LCN15: variants seen among roughly 807,000 people sequenced by gnomAD.
LCN15 encodes lipocalin 15.
Under a neutral mutation model 23.1 loss-of-function variants are expected in LCN15, and 26 were observed. The ratio of observed to expected loss-of-function variants is 1.13; its 90% CI spans 0.82 to 1.56. The LOEUF (loss-of-function observed/expected upper bound fraction) is 1.56. Ranked by LOEUF, LCN15 falls within the 40% of genes most tolerant of loss-of-function variation. LCN15 has a pLI of 0.00. For missense variants in LCN15, 241 were observed against 239.5 expected (o/e 1.01, Z -0.04); for synonymous variants, 107 against 98.3 (o/e 1.09, Z -0.52).
Position 136,761,002 on chromosome 9 carries a change from A to G in LCN15, c.*32+785T>C, listed in dbSNP as rs1847311209. ...CCTCCTAAGAAGAGGGCCGTGGGGCACTCGCTTCGGCAGCACAGACACTAG... is the reference window on the plus strand; with the variant it reads ...CCTCCTAAGAAGAGGGCCGTGGGGCGCTCGCTTCGGCAGCACAGACACTAG... On this transcript the variant is annotated intron_variant, in intron 6 of 6. Transcript: ENST00000316144. This position sits in a 1 kb window ranked among gnomAD's most constrained non-coding sequence, Gnocchi z 4.2. Among the ~76,000 whole-genome samples the G allele has an allele frequency of 6.6e-6, 1 of 152,170 alleles. No homozygotes were observed. The highest frequency in any genetic ancestry group is 2.1e-4 in the South Asian group (1 of 4,818).
rs766155898 is a variant in LCN15, at chr9:136,762,193, T to A, written c.515A>T (p.Gln172Leu). Residue 172 changes from glutamine (Q) to leucine (L), a missense_variant, in exon 5 of 7, where the codon CAG becomes CTG. Physicochemically the swap from Gln to Leu is moderately radical, Grantham distance 113. Coordinates refer to ENST00000316144, the MANE Select transcript of LCN15 (RefSeq NM_203347.2). ...GGCGGGGCTTGCCAGGGTACCTGAC[T>A]GGGGCAGCATGACCATCATGTCCTT... ...LPKDMMVMLP[Q>L]SDACNPESKE... 6.3e-7 allele frequency: 1 copy of A among 1,580,620 alleles called. No homozygotes were observed. Among genetic ancestry groups the A allele is most frequent in the Non-Finnish European group, 8.6e-7 (1 of 1,164,400 alleles).
intron 6 of LCN15, among the ~76,000 whole-genome samples, chr9:136,760,154 G>A (rs962435286): frequency 6.6e-6 from 1 of 152,254 alleles, no homozygotes; most frequent in Non-Finnish European, 1.5e-5. Context: ...AGAACCCACA[G>A]CCTCCACGGT....
At chr9:136,762,431 T>G in intron 4 of LCN15, 142 bp from the exon 5 acceptor site, 1 of 639,046 alleles carries the variant, frequency 1.6e-6, no homozygotes, top group Non-Finnish European at 2.8e-6. Flanking sequence ...ATAAAGCTCC[T>G]GCCTGGCTGA....
chr9:136,763,461 C>T lies in LCN15; in HGVS notation c.314G>A (p.Gly105Asp), dbSNP rs1389992910. ...SEGHFRVPALGYLDVRIVDTD... is the reference protein window; with the variant it reads ...SEGHFRVPALDYLDVRIVDTD... The stretch of plus-strand genomic sequence containing the variant: ...GTCCACGATGCGCACGTCCAGGTAG[C>T]CCAAGGCTGCGGAGAGGCAGGCGGC... The change falls in exon 4 of 7, where the codon GGC becomes GAC. Residue 105 changes from glycine to aspartate, a missense_variant. Physicochemically the swap from Gly to Asp is moderately conservative, Grantham distance 94. Transcript: ENST00000316144. The T allele has an allele frequency of 1.7e-5, 28 of 1,601,914 alleles. No homozygotes were observed. Among genetic ancestry groups the T allele is most frequent in the Non-Finnish European group, 2.2e-5 (26 of 1,174,660 alleles).
intron 4 of LCN15, among the ~76,000 whole-genome samples, chr9:136,763,003 C>T (rs913226354): frequency 4.7e-5 from 7 of 149,392 alleles, no homozygotes; most frequent in Non-Finnish European, 1.0e-4. Flanking sequence ...CGGGGCACCA[C>T]TCTCAGGAGG....
chr9:136,764,077 AG>A lies in LCN15; in HGVS notation c.97-69del, dbSNP rs111874997. ...CAGGGCCCTCCTTGCCCAGGGACCC[AG>A]GGGACAACTCAGAAGTCACACAGCA... On this transcript the variant is annotated intron_variant, in intron 1 of 6. Transcript: ENST00000316144. The A allele has an allele frequency of 5.1e-4, 805 of 1,579,162 alleles. 6 individuals are homozygous for A. In the African/African-American group the frequency reaches 9.7e-3, roughly 19 times the overall value.
chr9:136,764,372 G>A (rs1464922966), intron 1 of LCN15, 21 bp downstream of exon 1: 1 of 1,606,342 alleles, frequency 6.2e-7, no homozygotes, highest in Non-Finnish European at 8.5e-7. Context: ...CCCACCACAG[G>A]ACAGCAGAGG....
rs531453486 is a variant in LCN15 at position 136,764,018 on chromosome 9, G to A, written c.97-9C>T. 4.5e-5 allele frequency: 73 copies of A among 1,611,832 alleles called. No individual in the cohort carries two copies. The South Asian group carries it at 7.0e-4, about 16-fold the overall frequency. Reference sequence around the variant, plus strand: ...TACCAGAGGCCTGAGAACTGCCGGGGGCTTAGTCACCCGCAGGCCAGGACA... The same window carrying A: ...TACCAGAGGCCTGAGAACTGCCGGGAGCTTAGTCACCCGCAGGCCAGGACA... On this transcript the variant is annotated splice_polypyrimidine_tract_variant and intron_variant, in intron 1 of 6. Coordinates refer to ENST00000316144, the MANE Select transcript of LCN15 (RefSeq NM_203347.2).
At position 136,763,714 on chromosome 9, in the gene LCN15, C is replaced by A. The variant is rs1323060858; in HGVS notation, c.306G>T (p.Pro102=). 6.2e-7 allele frequency: 1 copy of A among 1,613,182 alleles called. No homozygotes were observed. Among genetic ancestry groups the A allele is most frequent in the Non-Finnish European group, 8.5e-7 (1 of 1,179,844 alleles). ...KVGSEGHFRV[P]ALGYLDVRIV... ...GAAGGCAGAGGAGGCAGGACCTACC[C>A]GGGACTCTGAAGTGTCCCTCGGAGC... Residue 102 remains proline (P), a splice_region_variant and synonymous_variant, in exon 3 of 7, where the codon CCG becomes CCT. Transcript: ENST00000316144.
At position 136,763,351 on chromosome 9, in the gene LCN15, A is replaced by C. The variant is rs745640094; in HGVS notation, c.418+6T>G. 1 of 1,493,908 alleles carries C rather than the reference A, an allele frequency of 6.7e-7. No homozygotes were observed. The highest frequency in any genetic ancestry group is 9.1e-7 in the Non-Finnish European group (1 of 1,102,006). 92.5% of individuals were successfully genotyped at this position (1,493,908 alleles called of 1,614,324 possible). On this transcript the variant is annotated splice_donor_region_variant and intron_variant, in intron 4 of 6. Transcript: ENST00000316144. Reference sequence around the variant, plus strand: ...GCCAGTGCGGGGAGGTGGGACAGGCACTCACTGTAGAGCTGCACCATGGTG... The same window carrying C: ...GCCAGTGCGGGGAGGTGGGACAGGCCCTCACTGTAGAGCTGCACCATGGTG...
rs753595727 is a variant in LCN15, at chr9:136,762,195, G to A, written c.513C>T (p.Pro171=). The A allele has an allele frequency of 9.5e-6, 15 of 1,583,696 alleles. No individual in the cohort carries two copies. In the South Asian group the frequency reaches 1.6e-4, roughly 17 times the overall value. Residue 171 remains proline, a synonymous_variant, in exon 5 of 7, where the codon CCC becomes CCT. Transcript: ENST00000316144. ...CGGGGCTTGCCAGGGTACCTGACTGGGGCAGCATGACCATCATGTCCTTGG... is the reference window on the plus strand; with the variant it reads ...CGGGGCTTGCCAGGGTACCTGACTGAGGCAGCATGACCATCATGTCCTTGG... The part of the protein sequence containing the change: ...GLPKDMMVML[P]QSDACNPESK...
chr9:136,762,249 G>A lies in LCN15; in HGVS notation c.459C>T (p.Phe153=), dbSNP rs1268424165. The A allele has an allele frequency of 6.2e-7, 1 of 1,600,110 alleles. No individual in the cohort carries two copies. The highest frequency in any genetic ancestry group is 2.3e-5 in the East Asian group (1 of 43,952). Residue 153 remains phenylalanine (F), a synonymous_variant, in exon 5 of 7, where the codon TTC becomes TTT. Transcript: ENST00000316144. ...QDVSPQALKS[F]QDFYPTLGLP... is the part of the protein sequence containing the mutation. ...GCCCCAGGGTCGGGTAGAAGTCCTG[G>A]AAGGACTTCAGAGCCTGGGGACTCA...
chr9:136,761,693 G>A lies in LCN15; in HGVS notation c.*32+94C>T, dbSNP rs952311364. The A allele has an allele frequency of 9.0e-5, 47 of 523,834 alleles. No homozygotes were observed. The highest frequency in any genetic ancestry group is 1.2e-4 in the Non-Finnish European group (41 of 337,812). 32.4% of individuals were successfully genotyped at this position (523,834 alleles called of 1,614,324 possible). On this transcript the variant is annotated intron_variant, in intron 6 of 6. Coordinates refer to ENST00000316144, the MANE Select transcript of LCN15 (RefSeq NM_203347.2). This position sits in a 1 kb window ranked among gnomAD's most constrained non-coding sequence, Gnocchi z 4.2. The stretch of plus-strand genomic sequence containing the variant: ...GCATGGGGTCGCCAGGCAGAACAGC[G>A]GGGCAGGCATGGGGCAGACAGAACC...
At position 136,762,205 on chromosome 9, in the gene LCN15, A is replaced by T. The variant is rs140417197; in HGVS notation, c.503T>A (p.Val168Asp). The T allele has an allele frequency of 5.0e-6, 8 of 1,592,676 alleles. No individual in the cohort carries two copies. The highest frequency in any genetic ancestry group is 1.3e-5 in the African/African-American group (1 of 74,086). Residue 168 changes from valine to aspartate, a missense_variant, in exon 5 of 7, where the codon GTC becomes GAC. Val to Asp is a radical substitution (Grantham distance 152, BLOSUM62 -3). Transcript: ENST00000316144. ...CAGGGTACCTGACTGGGGCAGCATGACCATCATGTCCTTGGGGAGCCCCAG... is the reference window on the plus strand; with the variant it reads ...CAGGGTACCTGACTGGGGCAGCATGTCCATCATGTCCTTGGGGAGCCCCAG... ...PTLGLPKDMM[V>D]MLPQSDACNP...
chr9:136,761,251 C>T lies in LCN15; in HGVS notation c.*32+536G>A, dbSNP rs528840220. Among the ~76,000 whole-genome samples, 29 of 152,246 alleles carry T rather than the reference C, an allele frequency of 1.9e-4. No individual in the cohort carries two copies. In the South Asian group the frequency reaches 5.4e-3, roughly 28 times the overall value. Reference sequence around the variant, plus strand: ...GGCCTCCAGAACTGGGAGAGATAAACGTCTGCTGGTTTTGTCTGTTTGTTT... The same window carrying T: ...GGCCTCCAGAACTGGGAGAGATAAATGTCTGCTGGTTTTGTCTGTTTGTTT... On this transcript the variant is annotated intron_variant, in intron 6 of 6. Transcript: ENST00000316144. This position sits in a 1 kb window ranked among gnomAD's most constrained non-coding sequence, Gnocchi z 4.2.
Position 136,762,196 on chromosome 9 carries a change from G to A in LCN15, c.512C>T (p.Pro171Leu). ...GGGGCTTGCCAGGGTACCTGACTGG[G>A]GCAGCATGACCATCATGTCCTTGGG... ...GLPKDMMVML[P>L]QSDACNPESK... Residue 171 changes from proline to leucine, a missense_variant, in exon 5 of 7, where the codon CCC (proline) becomes CTC (leucine). Transcript: ENST00000316144. 1.3e-6 allele frequency: 2 copies of A among 1,585,232 alleles called. No homozygotes were observed. Among genetic ancestry groups the A allele is most frequent in the South Asian group, 1.1e-5 (1 of 87,578 alleles).
At chr9:136,763,294 G>A (rs914222837) in intron 4 of LCN15, 63 bp downstream of exon 4, 4 of 930,466 alleles carry the variant, frequency 4.3e-6, no homozygotes, top group Admixed American at 2.7e-5. Context: ...TAGGCAGAAC[G>A]GGGGGCGGGG....
In LCN15 at chr9:136,763,799, C is replaced by T. The variant is rs768939247; in HGVS notation, c.237-16G>A. On this transcript the variant is annotated splice_polypyrimidine_tract_variant and intron_variant, in intron 2 of 6. Transcript: ENST00000316144. ...GCCGTCCGCCCTGGGGGTGCACAGC[C>T]GGCTCACTCATGGCACCCAGCTACC... 6.8e-6 allele frequency: 11 copies of T among 1,613,366 alleles called. No homozygotes were observed. The South Asian group carries it at 9.9e-5, about 14-fold the overall frequency.
rs1275341148 is a variant in LCN15, at chr9:136,762,110, G to A, written c.520+78C>T. ...GCTGCCCGCACACTGCCTGTGCTGT[G>A]AGGGGAAGGAAGGGTGGGCTCATGG... On this transcript the variant is annotated intron_variant, in intron 5 of 6. Coordinates refer to ENST00000316144, the MANE Select transcript of LCN15 (RefSeq NM_203347.2). 6.2e-6 allele frequency: 6 copies of A among 960,120 alleles called. No homozygotes were observed. In the East Asian group the frequency reaches 1.4e-4, roughly 22 times the overall value. 59.5% of individuals were successfully genotyped at this position (960,120 alleles called of 1,614,324 possible). A position where few individuals can be genotyped will look rare whatever the true frequency, so the allele number is the denominator to read the frequency against.
Sources: gnomAD v4.1 joint callset for allele counts (sites outside exome capture counted in the v4.1 genomes callset) on GRCh38, gnomAD v4.1.1 for gene constraint, Gnocchi (gnomAD v3.1) non-coding constraint, MANE v1.5 for transcripts, NCBI Gene and HGNC (gene_info 2026-07-23, HGNC 2026-07-21) for gene names.